The following GALNT9 variants were observed in gnomAD, a reference collection of about 807,000 sequenced individuals.
GALNT9 encodes the protein polypeptide N-acetylgalactosaminyltransferase 9.
Under a neutral mutation model 63.1 loss-of-function variants are expected in GALNT9, and 47 were observed. That is an observed-to-expected ratio of 0.75 (90% CI 0.59 to 0.95). The LOEUF (loss-of-function observed/expected upper bound fraction) is 0.95. GALNT9 is among the 40% of genes least tolerant of loss of function. The probability of loss-of-function intolerance (pLI) is 0.00; values close to 1 mark genes in which losing one functional copy is unlikely to be tolerated. For missense variants in GALNT9, 829 were observed against 874.8 expected (o/e 0.95, Z 0.66); for synonymous variants, 396 against 365.7 (o/e 1.08, Z -0.94).
chr12:132,262,580 C>T lies in GALNT9; in HGVS notation c.465G>A (p.Val155=). The change falls in exon 3 of 11, where the codon GTG becomes GTA. Residue 155 remains valine (V), a synonymous_variant. Coordinates refer to ENST00000328957, the MANE Select transcript of GALNT9 (RefSeq NM_001122636.2). ...SYAQDLPQVS[V]VFIFVNEALS... is the part of the protein sequence containing the mutation. ...GCGCCTCATTGACGAAGATGAAGAC[C>T]ACGGAGACCTGGGGCAGGTCCTGGG... 1 of 1,551,436 alleles carries T rather than the reference C, an allele frequency of 6.4e-7. No individual in the cohort carries two copies. The highest frequency in any genetic ancestry group is 1.7e-4 in the Middle Eastern group (1 of 5,988).
At chr12:132,320,815 G>T (rs895930525) in intron 1 of GALNT9, among the ~76,000 whole-genome samples, 1 of 152,240 alleles carries the variant, frequency 6.6e-6, no homozygotes, top group African/African-American at 2.4e-5. Context: ...CAGCGGGGGG[G>T]TCCTTCTGCT....
At chr12:132,283,350 A>T (rs1880440139) in intron 2 of GALNT9, 1 of 152,332 alleles carries the variant, frequency 6.6e-6, no homozygotes, top group Non-Finnish European at 1.5e-5. Flanking sequence ...GACGGGAGGA[A>T]TGATGGGGAC....
chr12:132,238,373 C>T lies in GALNT9; in HGVS notation c.1077+9537G>A, dbSNP rs183347124. On this transcript the variant is annotated intron_variant, in intron 6 of 10. Transcript: ENST00000328957. This position sits in a 1 kb window ranked among gnomAD's most constrained non-coding sequence, Gnocchi z 6.5. Reference sequence around the variant, plus strand: ...CTTCAGGAGGGGCCGGGCAGGGGGACGTGGAGACGGCGCACTCATAACCCT... The same window carrying T: ...CTTCAGGAGGGGCCGGGCAGGGGGATGTGGAGACGGCGCACTCATAACCCT... Among the ~76,000 whole-genome samples, 898 of 152,034 alleles carry T rather than the reference C, an allele frequency of 5.9e-3. 8 individuals are homozygous for T. Among genetic ancestry groups the T allele is most frequent in the Middle Eastern group, 0.01 (3 of 294 alleles).
Position 132,269,531 on chromosome 12 carries a change from G to A in GALNT9, c.420-6906C>T, listed in dbSNP as rs564025922. 7.9e-5 allele frequency among the ~76,000 whole-genome samples: 12 copies of A among 152,332 alleles called. 1 individual carries two copies. Among genetic ancestry groups the A allele is most frequent in the African/African-American group, 2.6e-4 (11 of 41,574 alleles). On this transcript the variant is annotated intron_variant, in intron 2 of 10. Transcript: ENST00000328957. ...CCCGTGCCGGTCCCGAGCCCAGGGC[G>A]GGGTGGCCTTTTCCTGGGGCAGGTG...
intron 6 of GALNT9, among the ~76,000 whole-genome samples, chr12:132,207,632 G>A (rs1053259569): frequency 6.6e-6 from 1 of 152,174 alleles, no homozygotes; most frequent in Non-Finnish European, 1.5e-5. Flanking sequence ...GAGAGGCGAG[G>A]CTCCCGGGCG....
rs528177105 is a variant in GALNT9, at chr12:132,262,379, G to A, written c.586+80C>T. The A allele has an allele frequency of 3.9e-5, 57 of 1,479,982 alleles. No homozygotes were observed. The Middle Eastern group carries it at 6.5e-4, about 17-fold the overall frequency. The allele number at this position is 1,479,982 out of a possible 1,614,324, so 91.7% of individuals were successfully genotyped here. ...TGCAGTCCTCTGTCGCTCTGCCCCC[G>A]GAGGCTCCACCCAACCCCAACTCAA... is the stretch of plus-strand genomic sequence containing the variant. On this transcript the variant is annotated intron_variant, in intron 3 of 10. Coordinates refer to ENST00000328957, the MANE Select transcript of GALNT9 (RefSeq NM_001122636.2).
intron 2 of GALNT9, among the ~76,000 whole-genome samples, chr12:132,264,800 G>A (rs73166899): frequency 0.016 from 2,445 of 152,268 alleles, 67 homozygotes; most frequent in African/African-American, 0.055. Flanking sequence ...TGGCAGGTGC[G>A]GCTCCTAGAA....
At chr12:132,229,127 C>T (rs897517977) in intron 6 of GALNT9, among the ~76,000 whole-genome samples, 1 of 152,204 alleles carries the variant, frequency 6.6e-6, no homozygotes, top group South Asian at 2.1e-4. Flanking sequence ...GGCGGCAGAG[C>T]CTTTGCCCTT....
rs1878657611 is a variant in GALNT9, at chr12:132,245,113, T to A, written c.1077+2797A>T. 2.0e-5 allele frequency among the ~76,000 whole-genome samples: 3 copies of A among 151,762 alleles called. No individual in the cohort carries two copies. Among genetic ancestry groups the A allele is most frequent in the Admixed American group, 6.6e-5 (1 of 15,260 alleles). ...AGACAGAACCCGCGGTGACACAGGCTCCCCTGCCCCGCGGAGGAGTCAGGC... is the reference window on the plus strand; with the variant it reads ...AGACAGAACCCGCGGTGACACAGGCACCCCTGCCCCGCGGAGGAGTCAGGC... On this transcript the variant is annotated intron_variant, in intron 6 of 10. Coordinates refer to ENST00000328957, the MANE Select transcript of GALNT9 (RefSeq NM_001122636.2). The surrounding 1 kb of genome is among the most constrained non-coding windows in gnomAD (Gnocchi z 6.3).
intron 2 of GALNT9, among the ~76,000 whole-genome samples, chr12:132,276,958 A>G (rs1444991994): frequency 6.6e-6 from 1 of 152,132 alleles, no homozygotes; most frequent in Non-Finnish European, 1.5e-5. Flanking sequence ...ACACACATGT[A>G]CATACATCTC....
rs1002692562 is a variant in GALNT9, at chr12:132,235,330, C to G, written c.1077+12580G>C. Among the ~76,000 whole-genome samples, 240 of 152,188 alleles carry G rather than the reference C, an allele frequency of 1.6e-3. 1 individual carries two copies. Among genetic ancestry groups the G allele is most frequent in the African/African-American group, 5.5e-3 (230 of 41,526 alleles). On this transcript the variant is annotated intron_variant, in intron 6 of 10. Transcript: ENST00000328957. ...CGGTGTGGTCATTGGAGCTGGGACC[C>G]GGAGACTGGGAATCAGGCAGCTTCC...
At chr12:132,308,935 C>T (rs1263735346) in intron 1 of GALNT9, among the ~76,000 whole-genome samples, 1 of 152,216 alleles carries the variant, frequency 6.6e-6, no homozygotes, top group African/African-American at 2.4e-5. Context: ...CTGTGACTTC[C>T]GTGCCTGAGA....
chr12:132,255,489 CCTCCTTCTGAAG>C (rs1283970318), intron 5 of GALNT9, among the ~76,000 whole-genome samples: 3 of 152,200 alleles, frequency 2.0e-5, no homozygotes, highest in Non-Finnish European at 2.9e-5. Context: ...TTTACAATCT[CCTCCTTCTGAAG>C]CTCCTTCTGA....
intron 5 of GALNT9, among the ~76,000 whole-genome samples, chr12:132,248,639 C>T (rs1357567102): frequency 6.6e-6 from 1 of 152,214 alleles, no homozygotes; most frequent in African/African-American, 2.4e-5. Context: ...GTGCACTGCT[C>T]AACTCCACAG....
chr12:132,199,130 G>T (rs1317063699), intron 9 of GALNT9, 44 bp downstream of exon 9: 1 of 1,335,110 alleles, frequency 7.5e-7, no homozygotes, highest in Non-Finnish European at 1.1e-6. Context: ...GTGGCCTGGG[G>T]TCGTCCCCTT....
chr12:132,245,099 G>A lies in GALNT9; in HGVS notation c.1077+2811C>T, dbSNP rs1282646545. On this transcript the variant is annotated intron_variant, in intron 6 of 10. Transcript: ENST00000328957. This position sits in a 1 kb window ranked among gnomAD's most constrained non-coding sequence, Gnocchi z 6.3. ...GGGATGAAGGTGAAAGACAGAACCC[G>A]CGGTGACACAGGCTCCCCTGCCCCG... Among the ~76,000 whole-genome samples, 3 of 151,888 alleles carry A rather than the reference G, an allele frequency of 2.0e-5. No individual in the cohort carries two copies. The highest frequency in any genetic ancestry group is 4.8e-5 in the African/African-American group (2 of 41,298).
intron 1 of GALNT9, among the ~76,000 whole-genome samples, chr12:132,293,292 G>A (rs4073399): frequency 0.11 from 16,838 of 152,280 alleles, 987 homozygotes; most frequent in East Asian, 0.17. Context: ...CACCGTGGAT[G>A]CTGAATGGTG....
intron 1 of GALNT9, among the ~76,000 whole-genome samples, chr12:132,312,817 G>A (rs781997337): frequency 1.3e-5 from 2 of 152,170 alleles, no homozygotes; most frequent in Non-Finnish European, 2.9e-5. Context: ...GAGGCTCCAC[G>A]TCTCTGCCCC....
Position 132,286,221 on chromosome 12 carries a change from C to A in GALNT9, c.419+29G>T. The A allele has an allele frequency of 1.3e-6, 2 of 1,513,734 alleles. No homozygotes were observed. Among genetic ancestry groups the A allele is most frequent in the Non-Finnish European group, 1.8e-6 (2 of 1,126,768 alleles). 93.8% of individuals were successfully genotyped at this position (1,513,734 alleles called of 1,614,324 possible). On this transcript the variant is annotated intron_variant, in intron 2 of 10. Transcript: ENST00000328957. The surrounding 1 kb of genome is among the most constrained non-coding windows in gnomAD (Gnocchi z 7.4). Reference sequence around the variant, plus strand: ...GGGCGGTCACTTCCTCGGCGGGCGTCGGGGGATGGGGGGCAGTCACTCACT... The same window carrying A: ...GGGCGGTCACTTCCTCGGCGGGCGTAGGGGGATGGGGGGCAGTCACTCACT...
Sources: allele counts gnomAD v4.1 joint callset (sites outside exome capture counted in the v4.1 genomes callset), GRCh38; gene constraint gnomAD v4.1.1; non-coding constraint Gnocchi (gnomAD v3.1); transcripts MANE v1.5; gene names NCBI Gene and HGNC (gene_info 2026-07-23, HGNC 2026-07-21).